The following ZNF730 variants were observed in gnomAD, a reference collection of about 807,000 sequenced individuals.
The protein encoded by ZNF730 is zinc finger protein 730, also known as putative zinc finger protein 730.
A neutral mutation model predicts 12.6 loss-of-function variants in ZNF730; 12 were observed. The ratio of observed to expected loss-of-function variants is 0.95; its 90% CI spans 0.61 to 1.54. ZNF730 has a LOEUF of 1.54. Among genes scored for constraint, ZNF730 ranks in the 40% most tolerant of loss-of-function variants. ZNF730 has a pLI of 0.00. For synonymous variants in ZNF730, 194 were observed against 195.8 expected, an observed-to-expected ratio of 0.99 and a Z score of 0.08; for missense variants, 643 against 583.5, an observed-to-expected ratio of 1.10 and a Z score of -1.05.
intron 1 of ZNF730, among the ~76,000 whole-genome samples, chr19:23,087,407 CAAAGAAAAA>C (rs1166274030): frequency 9.9e-5 from 15 of 151,120 alleles, no homozygotes; most frequent in South Asian, 2.1e-4. Context: ...GATTCCGTCT[CAAAGAAAAA>C]AAAGAAAAAA....
intron 3 of ZNF730, among the ~76,000 whole-genome samples, chr19:23,138,705 A>G (rs977212263): frequency 6.6e-6 from 1 of 152,164 alleles, no homozygotes; most frequent in Non-Finnish European, 1.5e-5. Flanking sequence ...GAGTTTCACA[A>G]CTTCCTTCCT....
chr19:23,085,198 T>A (rs1482546906), intron 1 of ZNF730, among the ~76,000 whole-genome samples: 1 of 152,206 alleles, frequency 6.6e-6, no homozygotes, highest in African/African-American at 2.4e-5. Context: ...TTGATTTGCA[T>A]TTCTCTAATC....
At chr19:23,141,403 A>C (rs1429377573) in intron 3 of ZNF730, among the ~76,000 whole-genome samples, 2 of 152,042 alleles carry the variant, frequency 1.3e-5, no homozygotes, top group Non-Finnish European at 2.9e-5. Flanking sequence ...TCAAAAAAAA[A>C]AAAACAATTT....
chr19:23,121,680 CAT>C (rs1467997213), intron 1 of ZNF730, among the ~76,000 whole-genome samples: 2 of 152,140 alleles, frequency 1.3e-5, no homozygotes, highest in African/African-American at 2.4e-5. Flanking sequence ...TTTTTAATAA[CAT>C]ATTTTTTCTG....
intron 1 of ZNF730, among the ~76,000 whole-genome samples, chr19:23,099,792 A>T (rs1458956743): frequency 6.6e-6 from 1 of 152,134 alleles, no homozygotes; most frequent in Non-Finnish European, 1.5e-5. Flanking sequence ...TGATTGTGAC[A>T]TGTGCCTCTG....
intron 1 of ZNF730, chr19:23,123,382 A>T (rs1970623377): frequency 6.6e-6 from 1 of 152,384 alleles, no homozygotes; most frequent in African/African-American, 2.4e-5. Flanking sequence ...ATCCTGGCTA[A>T]CATGGTGAAA....
rs929974664 is a variant in ZNF730 at position 23,146,894 on chromosome 19, A to G, written c.*338A>G. ...ACCAGAGAGAAACTCTACAAACCTG[A>G]AAGTTTTAACAGTGCTTTTGACAAC... On this transcript the variant is annotated 3_prime_UTR_variant, in exon 4 of 4. Coordinates refer to ENST00000597761, the MANE Select transcript of ZNF730 (RefSeq NM_001277403.2). 8.7e-6 allele frequency: 5 copies of G among 574,844 alleles called. No homozygotes were observed. Among genetic ancestry groups the G allele is most frequent in the African/African-American group, 1.9e-5 (1 of 53,596 alleles). The allele number at this position is 574,844 out of a possible 1,614,324, so 35.6% of individuals were successfully genotyped here.
chr19:23,122,340 G>A (rs1286894082), intron 1 of ZNF730, among the ~76,000 whole-genome samples: 3 of 151,732 alleles, frequency 2.0e-5, no homozygotes, highest in Admixed American at 2.0e-4. Context: ...ACTGAGTTTT[G>A]CCATACTGGC....
chr19:23,110,712 C>T (rs1197869220), intron 1 of ZNF730, among the ~76,000 whole-genome samples: 4 of 152,118 alleles, frequency 2.6e-5, no homozygotes, highest in Non-Finnish European at 4.4e-5. Context: ...TGGGTAAAGT[C>T]GAGTATAGGT....
chr19:23,116,904 T>G, upstream of ZNF730: 3 of 641,684 alleles, frequency 4.7e-6, no homozygotes, highest in Non-Finnish European at 7.9e-6. Flanking sequence ...TGATCACATC[T>G]GTCACTCAGG....
rs75240926 is a variant in ZNF730, at chr19:23,145,523, C to A, written c.479C>A (p.Ser160Ter). ...AAAGTCTTTCATAAATTTTCAAATT[C>A]AAACAGACATAAGATAAGACATACT... Reference protein sequence around the residue: ...YVKVFHKFSNSNRHKIRHTSK... With the variant: ...YVKVFHKFSN Residue 160 changes from serine to a stop codon, truncating the protein, a stop_gained, in exon 4 of 4, where the codon TCA becomes TAA. Transcript: ENST00000597761. LOFTEE classifies it low-confidence loss of function (END_TRUNC). 1 of 1,558,882 alleles carries A rather than the reference C, an allele frequency of 6.4e-7. No homozygotes were observed. Among genetic ancestry groups the A allele is most frequent in the Non-Finnish European group, 8.7e-7 (1 of 1,152,392 alleles).
intron 1 of ZNF730, among the ~76,000 whole-genome samples, chr19:23,090,165 G>C (rs888205095): frequency 2.0e-5 from 3 of 151,998 alleles, no homozygotes; most frequent in African/African-American, 7.3e-5. Context: ...AGAATTGTTT[G>C]AACCCGAGAG....
At chr19:23,135,800 C>G (rs560819164) in intron 2 of ZNF730, 148 bp from the exon 3 acceptor site, 19 of 658,022 alleles carry the variant, frequency 2.9e-5, no homozygotes, top group Non-Finnish European at 4.2e-5. Flanking sequence ...CATGAGCCAC[C>G]GTGCCTGGTC....
At position 23,111,600 on chromosome 19, in the gene ZNF730, T is replaced by G. The variant is rs1317997446; in HGVS notation, c.-93-22480T>G. Among the ~76,000 whole-genome samples the G allele has an allele frequency of 2.0e-5, 3 of 151,966 alleles. No homozygotes were observed. In the East Asian group the frequency reaches 5.8e-4, roughly 29 times the overall value. On this transcript the variant is annotated intron_variant, in intron 1 of 2. Coordinates refer to the ZNF730 transcript ENST00000593635. ...CGTCTCTACTAAAAATTACAAAAAA[T>G]TAGCCGGGCATGGTGGTGCATGCCT... is the stretch of plus-strand genomic sequence containing the variant.
intron 1 of ZNF730, among the ~76,000 whole-genome samples, chr19:23,110,350 C>T (rs1281515803): frequency 1.4e-5 from 2 of 142,212 alleles, no homozygotes; most frequent in African/African-American, 5.3e-5. Flanking sequence ...GATCTTGGCT[C>T]ACAGCAACCT....
intron 1 of ZNF730, chr19:23,128,668 C>T (rs1216084920): frequency 1.3e-5 from 2 of 156,656 alleles, no homozygotes; most frequent in African/African-American, 2.4e-5. Context: ...CTGTTAAGGG[C>T]ATTCAGTTTT....
At chr19:23,093,116 A>G (rs1266776277) in intron 1 of ZNF730, among the ~76,000 whole-genome samples, 6 of 152,034 alleles carry the variant, frequency 3.9e-5, no homozygotes, top group African/African-American at 1.4e-4. Context: ...TCAGCCTCTT[A>G]CAGGCACACG....
chr19:23,111,552 G>T (rs1177345890), intron 1 of ZNF730, among the ~76,000 whole-genome samples: 1 of 152,002 alleles, frequency 6.6e-6, no homozygotes, highest in Non-Finnish European at 1.5e-5. Flanking sequence ...TTCAAGACCA[G>T]CCTGATCAAC....
intron 1 of ZNF730, among the ~76,000 whole-genome samples, chr19:23,111,037 G>T (rs1490375317): frequency 6.6e-6 from 1 of 152,144 alleles, no homozygotes; most frequent in African/African-American, 2.4e-5. Context: ...GGAGAACCTA[G>T]ACAGCCAACA....
Sources: gnomAD v4.1 joint callset for allele counts (sites outside exome capture counted in the v4.1 genomes callset) on GRCh38, gnomAD v4.1.1 for gene constraint, MANE v1.5 for transcripts, NCBI Gene and HGNC (gene_info 2026-07-23, HGNC 2026-07-21) for gene names.